The following RALYL variants were observed in gnomAD, a reference collection of about 807,000 sequenced individuals.
RALYL encodes the protein RNA-binding Raly-like protein.
In RALYL, 29 loss-of-function variants were observed where a neutral mutation model predicts 35.1. The ratio of observed to expected loss-of-function variants is 0.83; its 90% CI spans 0.61 to 1.13. The LOEUF is 1.13. RALYL is among the 50% of genes most tolerant of loss of function. The pLI, the probability that RALYL is intolerant of heterozygous loss-of-function variation, is 0.00. For synonymous variants in RALYL, 120 were observed against 127.6 expected, an observed-to-expected ratio of 0.94 and a Z score of 0.40; for missense variants, 359 against 360.4, an observed-to-expected ratio of 1.00 and a Z score of 0.03.
chr8:84,526,859 A>G (rs1011020674), intron 1 of RALYL, among the ~76,000 whole-genome samples: 2 of 152,152 alleles, frequency 1.3e-5, no homozygotes, highest in African/African-American at 4.8e-5. Context: ...TCTTTCTCAG[A>G]TGTAATGGCT....
chr8:84,396,379 A>G lies in RALYL; in HGVS notation c.-23-132920A>G, dbSNP rs992737570. On this transcript the variant is annotated intron_variant, in intron 1 of 8. Transcript: ENST00000521268. ...TCATCAAATCTCAGGTCTGCATTTA[A>G]TATTTCAACCAGTAATGTTATTGTG... Among the ~76,000 whole-genome samples the G allele has an allele frequency of 8.5e-5, 13 of 152,156 alleles. No individual in the cohort carries two copies. The East Asian group carries it at 2.5e-3, about 29-fold the overall frequency.
At chr8:84,348,072 G>C (rs983108155) in intron 1 of RALYL, among the ~76,000 whole-genome samples, 6 of 152,114 alleles carry the variant, frequency 3.9e-5, no homozygotes, top group Non-Finnish European at 8.8e-5. Flanking sequence ...TTGGCAGCCT[G>C]TGATGGCTGG....
intron 1 of RALYL, among the ~76,000 whole-genome samples, chr8:84,422,990 AGGTGT>A (rs2045856055): frequency 6.7e-6 from 1 of 148,626 alleles, no homozygotes; most frequent in Admixed American, 6.7e-5. Flanking sequence ...ATTTTGGAAT[AGGTGT>A]GGTGTGGTGC....
At chr8:84,712,307 G>C (rs138514006) in intron 2 of RALYL, among the ~76,000 whole-genome samples, 1 of 152,100 alleles carries the variant, frequency 6.6e-6, no homozygotes, top group Non-Finnish European at 1.5e-5. Flanking sequence ...GAGCAGAGAC[G>C]TACAAAGGCT....
chr8:84,258,695 A>G (rs530421039), intron 1 of RALYL, among the ~76,000 whole-genome samples: 11 of 152,310 alleles, frequency 7.2e-5, no homozygotes, highest in Non-Finnish European at 1.6e-4. Flanking sequence ...TAAAGATGAT[A>G]TATAGATGTT....
At chr8:84,483,278 A>T (rs2054239529) in intron 1 of RALYL, among the ~76,000 whole-genome samples, 2 of 152,106 alleles carry the variant, frequency 1.3e-5, no homozygotes, top group Non-Finnish European at 2.9e-5. Flanking sequence ...ATATAACTTA[A>T]TTTTTTTCCT....
chr8:84,215,409 G>T (rs1053729546), intron 1 of RALYL, among the ~76,000 whole-genome samples: 3 of 151,820 alleles, frequency 2.0e-5, no homozygotes, highest in African/African-American at 4.8e-5. Context: ...ACCATTTATT[G>T]ATTCTGAATA....
At chr8:84,243,966 A>G (rs1828546898) in intron 1 of RALYL, among the ~76,000 whole-genome samples, 1 of 152,178 alleles carries the variant, frequency 6.6e-6, no homozygotes, top group South Asian at 2.1e-4. Flanking sequence ...CCATCAATGT[A>G]AATGAATATA....
chr8:84,420,831 AG>A (rs1318332103), intron 1 of RALYL, among the ~76,000 whole-genome samples: 1 of 113,014 alleles, frequency 8.8e-6, no homozygotes, highest in Non-Finnish European at 1.8e-5. Flanking sequence ...TGTTTTTCTC[AG>A]GTTTGTCAAA....
chr8:84,200,865 A>G (rs1350139613), intron 1 of RALYL, among the ~76,000 whole-genome samples: 2 of 152,206 alleles, frequency 1.3e-5, no homozygotes, highest in African/African-American at 4.8e-5. Context: ...TTCACAAACT[A>G]TGAGTATATT....
chr8:84,458,251 A>G (rs748578049), intron 1 of RALYL, among the ~76,000 whole-genome samples: 1 of 151,864 alleles, frequency 6.6e-6, no homozygotes, highest in African/African-American at 2.4e-5. Flanking sequence ...ACAAATGTCA[A>G]AGATGATAAA....
chr8:84,501,847 A>T (rs2056697286), intron 1 of RALYL, among the ~76,000 whole-genome samples: 1 of 150,208 alleles, frequency 6.7e-6, no homozygotes. Context: ...TATAGATCCT[A>T]AGCCTATATA....
chr8:84,703,563 T>C (rs1840598291), intron 2 of RALYL, among the ~76,000 whole-genome samples: 1 of 152,178 alleles, frequency 6.6e-6, no homozygotes, highest in Non-Finnish European at 1.5e-5. Context: ...ACTGTTCAGA[T>C]TGATATTAAT....
chr8:84,313,883 C>T (rs1563717791), intron 1 of RALYL, among the ~76,000 whole-genome samples: 2 of 152,200 alleles, frequency 1.3e-5, no homozygotes, highest in Admixed American at 1.3e-4. Flanking sequence ...ACAGTTGCTT[C>T]CACATTTTCA....
intron 2 of RALYL, among the ~76,000 whole-genome samples, chr8:84,588,171 G>T (rs11984578): frequency 4.6e-5 from 7 of 152,038 alleles, no homozygotes; most frequent in African/African-American, 1.5e-4. Flanking sequence ...CATTTCAGGG[G>T]AGTTAAGCAA....
intron 1 of RALYL, among the ~76,000 whole-genome samples, chr8:84,379,913 T>C (rs779766639): frequency 1.9e-4 from 29 of 151,662 alleles, no homozygotes; most frequent in Non-Finnish European, 3.1e-4. Flanking sequence ...AAAAATATGC[T>C]GTTTTAATAC....
Position 84,774,602 on chromosome 8 carries a change from A to C in RALYL, c.280A>C (p.Lys94Gln). ...PLDINMAGEP[K>Q]PYRPKPGNKR... ...AGATATCAACATGGCAGGAGAGCCC[A>C]AACCATACAGACCAAAACCTGGAAA... is the stretch of plus-strand genomic sequence containing the variant. The change falls in exon 3 of 9, where the codon AAA (lysine) becomes CAA (glutamine). Residue 94 changes from lysine (K) to glutamine (Q), a missense_variant. Transcript: ENST00000521268. 1 of 1,608,380 alleles carries C rather than the reference A, an allele frequency of 6.2e-7. No homozygotes were observed.
intron 1 of RALYL, among the ~76,000 whole-genome samples, chr8:84,528,008 A>C (rs2059023274): frequency 6.6e-6 from 1 of 152,194 alleles, no homozygotes; most frequent in Non-Finnish European, 1.5e-5. Context: ...TATCTGTTTT[A>C]AATGCATAAT....
At chr8:84,334,195 C>T (rs1847345577) in intron 1 of RALYL, among the ~76,000 whole-genome samples, 1 of 152,066 alleles carries the variant, frequency 6.6e-6, no homozygotes, top group Admixed American at 6.6e-5. Flanking sequence ...TGTTTTAATA[C>T]CAGGCCGTCT....
Sources: allele counts gnomAD v4.1 joint callset (sites outside exome capture counted in the v4.1 genomes callset), GRCh38; gene constraint gnomAD v4.1.1; transcripts MANE v1.5; gene names NCBI Gene and HGNC (gene_info 2026-07-23, HGNC 2026-07-21).